Variants in PLAAT1 observed in about 807,000 individuals in gnomAD.
PLAAT1 encodes the protein H-REV107 protein-related protein.
A neutral mutation model predicts 16.4 loss-of-function variants in PLAAT1; 13 were observed. The ratio of observed to expected loss-of-function variants is 0.79; its 90% CI spans 0.52 to 1.26. PLAAT1 has a LOEUF of 1.26. Ranked by LOEUF, PLAAT1 falls within the 50% of genes most tolerant of loss-of-function variation. The pLI is 0.00. For missense variants in PLAAT1, 218 were observed against 207.8 expected (o/e 1.05, Z -0.30); for synonymous variants, 73 against 78.4 (o/e 0.93, Z 0.36).
intron 3 of PLAAT1, among the ~76,000 whole-genome samples, chr3:193,268,193 T>C (rs1163194667): frequency 1.3e-5 from 2 of 152,206 alleles, no homozygotes; most frequent in Admixed American, 1.3e-4. Context: ...GACCAAATTA[T>C]GAAAATATCT....
At chr3:193,272,183 CCT>C (rs1187716352), downstream of PLAAT1, among the ~76,000 whole-genome samples, 2 of 152,132 alleles carry the variant, frequency 1.3e-5, no homozygotes, top group Non-Finnish European at 2.9e-5. Flanking sequence ...GTGGCTCACA[CCT>C]GTAATCCCAG....
intron 3 of PLAAT1, 55 bp from the exon 4 acceptor site, chr3:193,270,549 C>T (rs1242583191): frequency 4.5e-6 from 7 of 1,543,378 alleles, no homozygotes; most frequent in African/African-American, 2.7e-5. Context: ...TCATTTAGGA[C>T]ACAGATGTCT....
At position 193,270,775 on chromosome 3, in the gene PLAAT1, A is replaced by G; in HGVS notation, c.*70A>G. ...GAAAAGAAACCTGGGGTGAATACTTATTTTCAGTGCATCATTACTGTTCCA... is the reference window on the plus strand; with the variant it reads ...GAAAAGAAACCTGGGGTGAATACTTGTTTTCAGTGCATCATTACTGTTCCA... On this transcript the variant is annotated 3_prime_UTR_variant, in exon 4 of 4. Transcript: ENST00000264735. 6.4e-7 allele frequency: 1 copy of G among 1,554,712 alleles called. No homozygotes were observed. Among genetic ancestry groups the G allele is most frequent in the East Asian group, 2.3e-5 (1 of 43,662 alleles).
At chr3:193,279,976 T>TAAAAA (rs57617984), downstream of PLAAT1, among the ~76,000 whole-genome samples, 277 of 59,898 alleles carry the variant, frequency 4.6e-3, 55 homozygotes, top group East Asian at 0.023. Context: ...GTGTCTTTGT[T>TAAAAA]AAAAAAAAAA....
chr3:193,263,238 A>T lies in PLAAT1; in HGVS notation c.405+3A>T, dbSNP rs1203355193. 3.1e-6 allele frequency: 5 copies of T among 1,612,866 alleles called. No individual in the cohort carries two copies. In the South Asian group the frequency reaches 5.5e-5, roughly 18 times the overall value. Reference sequence around the variant, plus strand: ...ATGGAGAAGGAGTTTCAGAGCAGGTAAGTTTTCTTTAGGAGATATTCTTAC... The same window carrying T: ...ATGGAGAAGGAGTTTCAGAGCAGGTTAGTTTTCTTTAGGAGATATTCTTAC... On this transcript the variant is annotated splice_donor_region_variant and intron_variant, in intron 3 of 3. Transcript: ENST00000264735.
In PLAAT1 at chr3:193,242,481, G is replaced by T. The variant is rs145641400; in HGVS notation, c.-1+948G>T. 4.9e-3 allele frequency among the ~76,000 whole-genome samples: 751 copies of T among 152,246 alleles called. 7 individuals are homozygous for T. The highest frequency in any genetic ancestry group is 0.017 in the African/African-American group (717 of 41,538). On this transcript the variant is annotated intron_variant, in intron 1 of 3. Coordinates refer to ENST00000264735, the MANE Select transcript of PLAAT1 (RefSeq NM_020386.5). ...CACTTGGAAATGGGCATTCTGGGTAGAAGGTTCAGTATTAACAAAAACAAA... is the reference window on the plus strand; with the variant it reads ...CACTTGGAAATGGGCATTCTGGGTATAAGGTTCAGTATTAACAAAAACAAA...
intron 2 of PLAAT1, among the ~76,000 whole-genome samples, chr3:193,258,965 G>A (rs1163616358): frequency 2.0e-5 from 3 of 151,924 alleles, no homozygotes; most frequent in African/African-American, 4.8e-5. Flanking sequence ...AAAACTTCAG[G>A]CCAGTATTCC....
At chr3:193,262,797 G>A (rs1716634177) in intron 2 of PLAAT1, among the ~76,000 whole-genome samples, 173 bp from the exon 3 acceptor site, 1 of 152,140 alleles carries the variant, frequency 6.6e-6, no homozygotes, top group South Asian at 2.1e-4. Flanking sequence ...AAGTGTTACT[G>A]CTAAGTTATA....
intron 1 of PLAAT1, among the ~76,000 whole-genome samples, chr3:193,243,513 G>A (rs1715859566): frequency 6.6e-6 from 1 of 152,176 alleles, no homozygotes; most frequent in Non-Finnish European, 1.5e-5. Context: ...TTCCTGTGGT[G>A]TTATATGAAA....
At chr3:193,243,300 G>T (rs1317936677) in intron 1 of PLAAT1, among the ~76,000 whole-genome samples, 1 of 151,982 alleles carries the variant, frequency 6.6e-6, no homozygotes. Context: ...TACACAATTT[G>T]TCTGAATGAA....
intron 2 of PLAAT1, among the ~76,000 whole-genome samples, chr3:193,262,766 T>C (rs1338082380): frequency 6.6e-6 from 1 of 152,230 alleles, no homozygotes; most frequent in Admixed American, 6.5e-5. Flanking sequence ...GTTTTTCTTA[T>C]ATTCTCACTC....
intron 3 of PLAAT1, 87 bp from the exon 4 acceptor site, chr3:193,270,517 G>C: frequency 6.2e-6 from 8 of 1,281,800 alleles, no homozygotes; most frequent in Non-Finnish European, 7.5e-6. Context: ...CAGGTGTTCA[G>C]TTTAGGAAAC....
chr3:193,277,703 G>A (rs1717287057), exon 3 of PLAAT1: 1 of 152,232 alleles, frequency 6.6e-6, no homozygotes, highest in South Asian at 2.1e-4. Context: ...TTAAAGGGTT[G>A]TTTGGAAAAG....
At chr3:193,256,211 T>G (rs1236130523) in intron 2 of PLAAT1, among the ~76,000 whole-genome samples, 1 of 152,148 alleles carries the variant, frequency 6.6e-6, no homozygotes. Flanking sequence ...AGTTTACATT[T>G]TAGTAAGCAG....
At chr3:193,261,541 T>C (rs4594568) in intron 2 of PLAAT1, among the ~76,000 whole-genome samples, 50,347 of 152,018 alleles carry the variant, frequency 0.33, 8,949 homozygotes, top group East Asian at 0.55. Flanking sequence ...TTTTAGAATA[T>C]TATAAGTGAA....
chr3:193,245,918 A>T (rs996477622), intron 1 of PLAAT1, among the ~76,000 whole-genome samples: 1 of 152,084 alleles, frequency 6.6e-6, no homozygotes, highest in African/African-American at 2.4e-5. Context: ...TTCCTTATAT[A>T]TTTTTCATGT....
chr3:193,261,975 T>C (rs1333452483), intron 2 of PLAAT1, among the ~76,000 whole-genome samples: 1 of 152,136 alleles, frequency 6.6e-6, no homozygotes, highest in East Asian at 1.9e-4. Flanking sequence ...AGAAGGATAG[T>C]GGAAAATAAG....
At chr3:193,253,960 A>G (rs1716287195) in intron 1 of PLAAT1, among the ~76,000 whole-genome samples, 1 of 152,174 alleles carries the variant, frequency 6.6e-6, no homozygotes, top group African/African-American at 2.4e-5. Context: ...CTTTGGCTGC[A>G]TCTCGGAATC....
chr3:193,241,195 C>T (rs1715718757), upstream of PLAAT1: 3 of 1,221,170 alleles, frequency 2.5e-6, no homozygotes, highest in Non-Finnish European at 2.0e-6. Flanking sequence ...TGCCCCGCCT[C>T]CTGGGCGGAG....
Sources: allele counts gnomAD v4.1 joint callset (sites outside exome capture counted in the v4.1 genomes callset), GRCh38; gene constraint gnomAD v4.1.1; transcripts MANE v1.5; gene names NCBI Gene and HGNC (gene_info 2026-07-23, HGNC 2026-07-21).